The following TOX variants were observed in gnomAD, a reference collection of about 807,000 sequenced individuals.
TOX encodes the protein thymocyte selection associated high mobility group box, also known as thymocyte selection-associated high mobility group box protein TOX.
TOX carries 11 observed loss-of-function variants against 53.7 expected under a neutral mutation model. That is an observed-to-expected ratio of 0.20 (90% CI 0.13 to 0.34). The LOEUF (loss-of-function observed/expected upper bound fraction) is 0.34. Ranked by LOEUF, TOX falls within the 10% of genes least tolerant of loss-of-function variation. The pLI is 1.00. For synonymous variants in TOX, 225 were observed against 245.3 expected (o/e 0.92, Z 0.77); for missense variants, 570 against 664.6 (o/e 0.86, Z 1.56).
chr8:58,945,796 A>T (rs1003249033), intron 2 of TOX, among the ~76,000 whole-genome samples: 7 of 152,232 alleles, frequency 4.6e-5, no homozygotes, highest in African/African-American at 1.7e-4. Context: ...CCAGGAATAA[A>T]TAATGGGAAA....
chr8:58,933,267 C>T (rs995579782), intron 3 of TOX, among the ~76,000 whole-genome samples: 22 of 152,206 alleles, frequency 1.4e-4, no homozygotes, highest in Admixed American at 5.2e-4. Context: ...TGCATTTTCC[C>T]GTTCACCAAT....
intron 3 of TOX, among the ~76,000 whole-genome samples, chr8:58,852,834 A>C (rs1422201082): frequency 1.3e-5 from 2 of 152,194 alleles, no homozygotes; most frequent in African/African-American, 4.8e-5. Flanking sequence ...GTTGGAAGTG[A>C]AAAAGTAATA....
chr8:59,006,787 T>C (rs1291380575), intron 1 of TOX, among the ~76,000 whole-genome samples: 1 of 152,170 alleles, frequency 6.6e-6, no homozygotes, highest in Admixed American at 6.5e-5. Context: ...TTAACCAACA[T>C]TTAGAAAATA....
At chr8:59,083,373 G>C (rs1391598202) in intron 1 of TOX, among the ~76,000 whole-genome samples, 1 of 152,078 alleles carries the variant, frequency 6.6e-6, no homozygotes, top group African/African-American at 2.4e-5. Flanking sequence ...AACAATCAAA[G>C]GGTCCTCCTA....
intron 8 of TOX, 143 bp from the exon 9 acceptor site, chr8:58,807,926 G>A: frequency 1.6e-6 from 2 of 1,271,030 alleles, no homozygotes; most frequent in Non-Finnish European, 1.1e-6. Context: ...TACATCTGAA[G>A]TGAGAAGTGA....
At chr8:59,108,494 A>G (rs1804952294) in intron 1 of TOX, among the ~76,000 whole-genome samples, 1 of 152,184 alleles carries the variant, frequency 6.6e-6, no homozygotes, top group Non-Finnish European at 1.5e-5. Flanking sequence ...GGCATTATAT[A>G]TTTAAAGCAT....
chr8:59,094,301 A>G (rs1804673969), intron 1 of TOX, among the ~76,000 whole-genome samples: 1 of 152,150 alleles, frequency 6.6e-6, no homozygotes, highest in Admixed American at 6.5e-5. Flanking sequence ...AACATAATAA[A>G]TGTAAAAATT....
Position 58,939,522 on chromosome 8 carries a change from T to C in TOX, c.191A>G (p.Glu64Gly), listed in dbSNP as rs1387509600. The C allele has an allele frequency of 1.2e-6, 2 of 1,613,916 alleles. No homozygotes were observed. Among genetic ancestry groups the C allele is most frequent in the African/African-American group, 1.3e-5 (1 of 74,928 alleles). The change falls in exon 3 of 9, where the codon GAA becomes GGA. Residue 64 changes from glutamate (E) to glycine (G), a missense_variant. Transcript: ENST00000361421. ...ASQSYPGPSL[E>G]SEDFNIPPIT... ...TGGTGGAATGTTGAAGTCTTCACTTTCCAGGCTTGGACCAGGGTAGGACTG... is the reference window on the plus strand; with the variant it reads ...TGGTGGAATGTTGAAGTCTTCACTTCCCAGGCTTGGACCAGGGTAGGACTG...
intron 2 of TOX, among the ~76,000 whole-genome samples, chr8:58,941,454 T>C (rs1225461061): frequency 2.0e-5 from 3 of 152,172 alleles, no homozygotes; most frequent in South Asian, 2.1e-4. Flanking sequence ...TCAATACACA[T>C]GAGGGATAAA....
intron 4 of TOX, among the ~76,000 whole-genome samples, chr8:58,840,862 T>C (rs552826162): frequency 4.6e-5 from 7 of 152,158 alleles, no homozygotes; most frequent in Middle Eastern, 3.4e-3. Flanking sequence ...AGTCTCCCCC[T>C]TACCTGATTC....
At chr8:59,090,956 C>G (rs987601354) in intron 1 of TOX, among the ~76,000 whole-genome samples, 1 of 152,094 alleles carries the variant, frequency 6.6e-6, no homozygotes, top group African/African-American at 2.4e-5. Context: ...TCAGTAGGTC[C>G]CTATGCCATC....
In TOX at chr8:58,915,424, AC is replaced by A. The variant is rs1233384043; in HGVS notation, c.411+23877del. On this transcript the variant is annotated intron_variant, in intron 3 of 8. Transcript: ENST00000361421. ...CCCCCGAGCAGCCTAACTGGGAGGC[AC>A]CCCCCAGCAGGGGCACACTGACACC... 2.3e-3 allele frequency among the ~76,000 whole-genome samples: 220 copies of A among 96,274 alleles called. 1 individual carries two copies. Among genetic ancestry groups the A allele is most frequent in the East Asian group, 0.011 (38 of 3,446 alleles). 63.2% of individuals were successfully genotyped at this position (96,274 alleles called of 152,430 possible). A position where few individuals can be genotyped will look rare whatever the true frequency, so the allele number is the denominator to read the frequency against.
intron 1 of TOX, among the ~76,000 whole-genome samples, chr8:59,088,659 G>T (rs887601807): frequency 6.6e-6 from 1 of 152,176 alleles, no homozygotes; most frequent in Non-Finnish European, 1.5e-5. Context: ...GAATTTTAAT[G>T]ACTAAAAAAA....
At chr8:59,057,505 C>A (rs1803906434) in intron 1 of TOX, among the ~76,000 whole-genome samples, 1 of 152,034 alleles carries the variant, frequency 6.6e-6, no homozygotes, top group Non-Finnish European at 1.5e-5. Flanking sequence ...ATCCTCACCC[C>A]AAACACCTAA....
chr8:59,064,026 C>G (rs1411464009), intron 1 of TOX, among the ~76,000 whole-genome samples: 5 of 151,920 alleles, frequency 3.3e-5, no homozygotes, highest in Admixed American at 1.3e-4. Flanking sequence ...TTGGAAATGA[C>G]ATAGGTTTAA....
chr8:58,994,131 C>A (rs775357063), intron 1 of TOX, among the ~76,000 whole-genome samples: 2 of 152,086 alleles, frequency 1.3e-5, no homozygotes, highest in Admixed American at 6.5e-5. Context: ...CCAGTCGTTC[C>A]GTGAAGACTC....
intron 1 of TOX, among the ~76,000 whole-genome samples, chr8:59,031,883 G>T (rs1272675155): frequency 1.3e-5 from 2 of 152,188 alleles, no homozygotes; most frequent in Non-Finnish European, 2.9e-5. Flanking sequence ...TCTGGAAAAT[G>T]CATGGTCTTG....
At chr8:58,830,214 T>A (rs1810430258) in intron 5 of TOX, among the ~76,000 whole-genome samples, 1 of 152,176 alleles carries the variant, frequency 6.6e-6, no homozygotes, top group East Asian at 1.9e-4. Context: ...CATTTATCAT[T>A]TTCCCCCACT....
At chr8:59,060,867 C>T (rs1803972808) in intron 1 of TOX, among the ~76,000 whole-genome samples, 1 of 152,130 alleles carries the variant, frequency 6.6e-6, no homozygotes, top group Non-Finnish European at 1.5e-5. Flanking sequence ...GTTTGGTGCC[C>T]TTTATATCTT....
Sources: allele counts gnomAD v4.1 joint callset (sites outside exome capture counted in the v4.1 genomes callset), GRCh38; gene constraint gnomAD v4.1.1; transcripts MANE v1.5; gene names NCBI Gene and HGNC (gene_info 2026-07-23, HGNC 2026-07-21).